The following PALD1 variants were observed in gnomAD, a reference collection of about 807,000 sequenced individuals.
PALD1 encodes the protein paladin.
Under a neutral mutation model 96.0 loss-of-function variants are expected in PALD1, and 57 were observed. The observed-to-expected ratio is 0.59, with a 90% CI of 0.48 to 0.74. The LOEUF is 0.74. Ranked by LOEUF, PALD1 falls within the 30% of genes least tolerant of loss-of-function variation. The pLI, the probability that PALD1 is intolerant of heterozygous loss-of-function variation, is 0.00. For missense variants in PALD1, 1,063 were observed against 1,143.7 expected (o/e 0.93, Z 1.02); for synonymous variants, 464 against 473.6 (o/e 0.98, Z 0.26).
In PALD1 at chr10:70,534,855, A is replaced by T; in HGVS notation, c.1227+12A>T. Reference sequence around the variant, plus strand: ...AGAGCCCAGCCCAGGTGAGGCATGGAAGGACGTGTGAGCACTCTGCTTCTC... The same window carrying T: ...AGAGCCCAGCCCAGGTGAGGCATGGTAGGACGTGTGAGCACTCTGCTTCTC... On this transcript the variant is annotated intron_variant, in intron 10 of 19. Coordinates refer to ENST00000263563, the MANE Select transcript of PALD1 (RefSeq NM_014431.3). 1 of 1,560,234 alleles carries T rather than the reference A, an allele frequency of 6.4e-7. No individual in the cohort carries two copies. Among genetic ancestry groups the T allele is most frequent in the Non-Finnish European group, 8.8e-7 (1 of 1,133,998 alleles).
chr10:70,553,038 A>G (rs1335469424), intron 18 of PALD1, among the ~76,000 whole-genome samples: 1 of 152,124 alleles, frequency 6.6e-6, no homozygotes, highest in East Asian at 1.9e-4. Flanking sequence ...ATTCCGGCTC[A>G]GTGTGGCCGG....
upstream of PALD1, among the ~76,000 whole-genome samples, chr10:70,477,834 A>C (rs1365045453): frequency 2.6e-5 from 4 of 152,170 alleles, no homozygotes; most frequent in African/African-American, 4.8e-5. Flanking sequence ...CAGGTGAGAA[A>C]AAAGGATTTC....
chr10:70,539,601 G>T lies in PALD1; in HGVS notation c.1747G>T (p.Ala583Ser). The T allele has an allele frequency of 6.2e-7, 1 of 1,611,278 alleles. No individual in the cohort carries two copies. Among genetic ancestry groups the T allele is most frequent in the Non-Finnish European group, 8.5e-7 (1 of 1,178,532 alleles). ...QLETLEAQLK[A>S]HLSEPPPGKE... The stretch of plus-strand genomic sequence containing the variant: ...CCAGACCCTGGAGGCCCAGCTGAAG[G>T]CCCATCTAAGCGAGCCTCCCCCAGG... Residue 583 changes from alanine (A) to serine (S), a missense_variant, in exon 15 of 20, where the codon GCC (alanine) becomes TCC (serine). Transcript: ENST00000263563. This position sits in a 1 kb window ranked among gnomAD's most constrained non-coding sequence, Gnocchi z 4.5.
At chr10:70,483,210 G>A (rs1392324263) in intron 1 of PALD1, among the ~76,000 whole-genome samples, 1 of 152,094 alleles carries the variant, frequency 6.6e-6, no homozygotes, top group Non-Finnish European at 1.5e-5. Flanking sequence ...AGTTTGCAAA[G>A]GAGGAGGGCA....
intron 18 of PALD1, among the ~76,000 whole-genome samples, chr10:70,554,573 C>G (rs1396514340): frequency 1.3e-5 from 2 of 152,146 alleles, no homozygotes; most frequent in Non-Finnish European, 2.9e-5. Flanking sequence ...CAGCCCAGGG[C>G]GGTGACACCC....
Position 70,488,840 on chromosome 10 carries a change from C to T in PALD1, c.-30+9781C>T, listed in dbSNP as rs554803851. Among the ~76,000 whole-genome samples the T allele has an allele frequency of 1.0e-4, 15 of 150,732 alleles. No individual in the cohort carries two copies. The South Asian group carries it at 1.9e-3, about 19-fold the overall frequency. On this transcript the variant is annotated intron_variant, in intron 1 of 19. Transcript: ENST00000263563. ...TCAGTCTGTCCAAAACAGCCTCTGT[C>T]GTGACCCGTCCCTGGGGTCTGGGTG...
chr10:70,499,608 T>G (rs1178316427), intron 1 of PALD1, among the ~76,000 whole-genome samples: 3 of 152,230 alleles, frequency 2.0e-5, no homozygotes, highest in Non-Finnish European at 4.4e-5. Flanking sequence ...AAAAATATTT[T>G]TCTTCCTCTC....
intron 12 of PALD1, 48 bp downstream of exon 12, chr10:70,538,456 C>T: frequency 6.3e-7 from 1 of 1,582,708 alleles, no homozygotes; most frequent in Non-Finnish European, 8.6e-7. Flanking sequence ...GTGTACTGGC[C>T]CTGGCCCCTA....
Position 70,564,431 on chromosome 10 carries a change from G to T in PALD1, c.2330G>T (p.Arg777Leu), listed in dbSNP as rs1369079130. The T allele has an allele frequency of 3.7e-6, 6 of 1,614,086 alleles. No homozygotes were observed. Among genetic ancestry groups the T allele is most frequent in the Middle Eastern group, 1.6e-4 (1 of 6,062 alleles). Residue 777 changes from arginine to leucine, a missense_variant, in exon 19 of 20, where the codon CGC becomes CTC. Transcript: ENST00000263563. ...LQLRSLQYLE[R>L]YVCLILFNAY... is the part of the protein sequence containing the mutation. ...CTGCGGAGCCTGCAGTACTTGGAGC[G>T]CTATGTCTGCCTGATTCTCTTCAAC... is the stretch of plus-strand genomic sequence containing the variant.
chr10:70,460,839 T>TGAGGTCAA, the PALD1 span, among the ~76,000 whole-genome samples: 1 of 152,162 alleles, frequency 6.6e-6, no homozygotes, highest in African/African-American at 2.4e-5. Flanking sequence ...GCGGATCACC[T>TGAGGTCAA]GAGGTCAAGA....
At chr10:70,500,724 A>C (rs936970180) in intron 1 of PALD1, among the ~76,000 whole-genome samples, 1 of 151,958 alleles carries the variant, frequency 6.6e-6, no homozygotes, top group Non-Finnish European at 1.5e-5. Context: ...CAGTTTCCTC[A>C]TCTGTGGATT....
At chr10:70,489,974 G>A (rs1188024460) in intron 1 of PALD1, among the ~76,000 whole-genome samples, 1 of 151,980 alleles carries the variant, frequency 6.6e-6, no homozygotes, top group East Asian at 1.9e-4. Flanking sequence ...CCAGTCTGGA[G>A]TATAGTGGCG....
chr10:70,566,469 A>G (rs1317051263), intron 19 of PALD1, 112 bp from the exon 20 acceptor site: 1 of 768,428 alleles, frequency 1.3e-6, no homozygotes, highest in Admixed American at 2.6e-5. Flanking sequence ...CAAGGTGCAA[A>G]CTTGTTCAGG....
At position 70,534,514 on chromosome 10, in the gene PALD1, T is replaced by C. The variant is rs1432686288; in HGVS notation, c.1112T>C (p.Met371Thr). Reference sequence around the variant, plus strand: ...CGCATGGTGCCCCAGGGAAGGAGGATGGTGGAAGAGGTGAGTGAGGGACAG... The same window carrying C: ...CGCATGGTGCCCCAGGGAAGGAGGACGGTGGAAGAGGTGAGTGAGGGACAG... ...FLRMVPQGRR[M>T]VEEVDRAITA... The change falls in exon 9 of 20, where the codon ATG becomes ACG. Residue 371 changes from methionine (M) to threonine (T), a missense_variant. Met to Thr is a moderately conservative substitution (Grantham distance 81). Coordinates refer to ENST00000263563, the MANE Select transcript of PALD1 (RefSeq NM_014431.3). 3 of 1,610,966 alleles carry C rather than the reference T, an allele frequency of 1.9e-6. No individual in the cohort carries two copies. In the African/African-American group the frequency reaches 4.0e-5, roughly 22 times the overall value.
chr10:70,502,006 A>C (rs1554854901), intron 1 of PALD1, among the ~76,000 whole-genome samples: 1 of 152,040 alleles, frequency 6.6e-6, no homozygotes. Context: ...GAAGTTTGAC[A>C]TCCATAAAAG....
At chr10:70,477,496 T>G (rs1845844227), upstream of PALD1, among the ~76,000 whole-genome samples, 1 of 152,200 alleles carries the variant, frequency 6.6e-6, no homozygotes, top group Admixed American at 6.5e-5. Context: ...TCACACACCT[T>G]GGGTGGCGCA....
At chr10:70,534,908 G>A (rs942927711) in intron 10 of PALD1, 65 bp downstream of exon 10, 7 of 1,097,610 alleles carry the variant, frequency 6.4e-6, no homozygotes, top group Non-Finnish European at 9.6e-6. Flanking sequence ...GATTTCATTA[G>A]GCATGTTGAC....
chr10:70,488,573 A>G (rs1020863195), intron 1 of PALD1, among the ~76,000 whole-genome samples: 15 of 152,188 alleles, frequency 9.9e-5, no homozygotes, highest in African/African-American at 3.4e-4. Context: ...GTACCTCTAC[A>G]TGAATTTGTG....
intron 15 of PALD1, 90 bp from the exon 16 acceptor site, chr10:70,541,012 T>C (rs1589210484): frequency 5.0e-6 from 7 of 1,406,742 alleles, no homozygotes; most frequent in Non-Finnish European, 6.7e-6. Context: ...CCGAGGACAG[T>C]GGCTGGGGCT....
Sources: gnomAD v4.1 joint callset for allele counts (sites outside exome capture counted in the v4.1 genomes callset) on GRCh38, gnomAD v4.1.1 for gene constraint, Gnocchi (gnomAD v3.1) non-coding constraint, MANE v1.5 for transcripts, NCBI Gene and HGNC (gene_info 2026-07-23, HGNC 2026-07-21) for gene names.